The following MRE11 variants were observed in gnomAD, a reference collection of about 807,000 sequenced individuals.
MRE11 encodes the protein MRE11 double strand break repair nuclease, also known as double-strand break repair protein MRE11.
Under a neutral mutation model 91.7 loss-of-function variants are expected in MRE11, and 62 were observed. The observed-to-expected ratio is 0.68, with a 90% confidence interval of 0.55 to 0.84. The LOEUF is 0.84. MRE11 is among the 40% of genes least tolerant of loss of function. The probability of loss-of-function intolerance (pLI) is 0.00; values close to 1 mark genes in which losing one functional copy is unlikely to be tolerated. For synonymous variants in MRE11, 273 were observed against 271.4 expected (o/e 1.01, Z -0.06); for missense variants, 796 against 852.9 (o/e 0.93, Z 0.83).
chr11:94,485,086 G>A (rs561838885), intron 4 of MRE11, among the ~76,000 whole-genome samples: 218 of 151,926 alleles, frequency 1.4e-3, no homozygotes, highest in African/African-American at 4.9e-3. Context: ...GGTGATGGGC[G>A]CCTGTAATCC....
At chr11:94,429,656 G>A (rs1236347870) in intron 19 of MRE11, among the ~76,000 whole-genome samples, 1 of 152,176 alleles carries the variant, frequency 6.6e-6, no homozygotes, top group Admixed American at 6.5e-5. Flanking sequence ...AGACACTGTG[G>A]ACTACTAGAG....
chr11:94,468,292 G>T (rs1251953782), intron 9 of MRE11, among the ~76,000 whole-genome samples: 1 of 152,164 alleles, frequency 6.6e-6, no homozygotes, highest in Non-Finnish European at 1.5e-5. Flanking sequence ...TATCTTGGAA[G>T]AGTTCAAGGT....
intron 3 of MRE11, among the ~76,000 whole-genome samples, chr11:94,487,293 T>C (rs1304018519): frequency 1.3e-5 from 2 of 152,208 alleles, no homozygotes; most frequent in African/African-American, 4.8e-5. Context: ...TTCAAACATT[T>C]AAAAAAATTT....
In MRE11 at chr11:94,470,486, G is replaced by C. The variant is rs115244417; in HGVS notation, c.1002C>G (p.Ser334Arg). Residue 334 changes from serine (S) to arginine (R), a missense_variant, in exon 9 of 20, where the codon AGC (serine) becomes AGG (arginine). Coordinates refer to ENST00000323929, the MANE Select transcript of MRE11 (RefSeq NM_005591.4). ...AAAGAATTACCTTCTCCAAACAGAA[G>C]CTTTGTATGGCTTGGGTTACTTTAG... Reference protein sequence around the residue: ...DNPKVTQAIQSFCLEKIEEML... With the variant: ...DNPKVTQAIQRFCLEKIEEML... The C allele has an allele frequency of 2.5e-3, 3,991 of 1,612,802 alleles. 80 individuals are homozygous for C. The African/African-American group carries it at 0.045, about 18-fold the overall frequency.
intron 19 of MRE11, among the ~76,000 whole-genome samples, chr11:94,428,733 C>T (rs59895133): frequency 0.033 from 4,993 of 151,906 alleles, 306 homozygotes; most frequent in African/African-American, 0.12. Flanking sequence ...CGTGGTGATG[C>T]GCACCTGTAA....
chr11:94,454,460 G>A (rs541048112), intron 14 of MRE11, among the ~76,000 whole-genome samples: 24 of 152,088 alleles, frequency 1.6e-4, no homozygotes, highest in Admixed American at 1.0e-3. Flanking sequence ...CATGGCGCTG[G>A]GATTCATATT....
rs1591706892 is a variant in MRE11 at position 94,478,754 on chromosome 11, C to A, written c.525G>T (p.Lys175Asn). The change falls in exon 6 of 20, where the codon AAG becomes AAT. Residue 175 changes from lysine to asparagine, a missense_variant. Coordinates refer to ENST00000323929, the MANE Select transcript of MRE11 (RefSeq NM_005591.4). ...TCTTACCTAAACCATATAGCGCAATCTTTGTGCTTCCTTTTTGAAGCAAAA... is the reference window on the plus strand; with the variant it reads ...TCTTACCTAAACCATATAGCGCAATATTTGTGCTTCCTTTTTGAAGCAAAA... The part of the protein sequence containing the change: ...SPVLLQKGST[K>N]IALYGLGSIP... The A allele has an allele frequency of 1.2e-6, 2 of 1,612,882 alleles. No homozygotes were observed. The highest frequency in any genetic ancestry group is 1.7e-6 in the Non-Finnish European group (2 of 1,179,824).
intron 9 of MRE11, among the ~76,000 whole-genome samples, chr11:94,469,292 A>G (rs1264912731): frequency 6.6e-6 from 1 of 152,156 alleles, no homozygotes. Context: ...CATCACGACC[A>G]GTTAGAAGGG....
intron 3 of MRE11, among the ~76,000 whole-genome samples, chr11:94,489,244 C>T (rs538907346): frequency 3.3e-5 from 5 of 151,610 alleles, no homozygotes; most frequent in Middle Eastern, 3.4e-3. Flanking sequence ...TCTCAGAAGT[C>T]GGCCCCACCA....
rs977564963 is a variant in MRE11 at position 94,419,143 on chromosome 11, G to A, written c.*982C>T. 9 of 232,136 alleles carry A rather than the reference G, an allele frequency of 3.9e-5. No homozygotes were observed. The highest frequency in any genetic ancestry group is 2.4e-4 in the East Asian group (4 of 16,396). 14.4% of individuals were successfully genotyped at this position (232,136 alleles called of 1,614,324 possible). A position where few individuals can be genotyped will look rare whatever the true frequency, so the allele number is the denominator to read the frequency against. On this transcript the variant is annotated 3_prime_UTR_variant, in exon 20 of 20. Transcript: ENST00000323929. ...AGATGTCTAATTCTTATTTCTCCCC[G>A]AAAACAAGTAAAAAATAGAAGCTTA...
At chr11:94,445,172 CAGT>C (rs1257675934) in intron 16 of MRE11, among the ~76,000 whole-genome samples, 2 of 152,222 alleles carry the variant, frequency 1.3e-5, no homozygotes, top group African/African-American at 4.8e-5. Flanking sequence ...AGCAAGGAAA[CAGT>C]AGAGACAGTT....
the MRE11 span, among the ~76,000 whole-genome samples, chr11:94,509,303 T>C: frequency 2.0e-5 from 3 of 152,222 alleles, no homozygotes; most frequent in East Asian, 5.8e-4. Context: ...AATGCTGTTA[T>C]AAATGTTATT....
At chr11:94,482,082 C>A (rs114262770) in intron 4 of MRE11, among the ~76,000 whole-genome samples, 1 of 152,134 alleles carries the variant, frequency 6.6e-6, no homozygotes, top group African/African-American at 2.4e-5. Flanking sequence ...ATAAAGCCCA[C>A]GCGGAACAAA....
At chr11:94,492,953 C>G in intron 1 of MRE11, 47 bp from the exon 2 acceptor site, 1 of 703,568 alleles carries the variant, frequency 1.4e-6, no homozygotes, top group Admixed American at 2.5e-5. Flanking sequence ...AAAGCCTGCA[C>G]GTATTTAACC....
intron 14 of MRE11, among the ~76,000 whole-genome samples, chr11:94,448,033 T>C (rs1945988988): frequency 6.6e-6 from 1 of 152,032 alleles, no homozygotes; most frequent in Non-Finnish European, 1.5e-5. Flanking sequence ...CTGGCAATCA[T>C]CCCTAATTCA....
intron 14 of MRE11, among the ~76,000 whole-genome samples, chr11:94,451,304 A>C (rs908321583): frequency 6.6e-6 from 1 of 152,176 alleles, no homozygotes. Flanking sequence ...AAACAGGTTC[A>C]ACAAACCAAT....
rs1484117238 is a variant in MRE11, at chr11:94,479,658, A to G, written c.402+16T>C. 1.2e-6 allele frequency: 2 copies of G among 1,605,368 alleles called. No individual in the cohort carries two copies. The highest frequency in any genetic ancestry group is 2.7e-5 in the African/African-American group (2 of 74,854). On this transcript the variant is annotated intron_variant, in intron 5 of 19. Transcript: ENST00000323929. ...ATTTCCAAAATTCCAACAAACTCTA[A>G]GAAAACAATAATTACCCCTGTGGGA...
upstream of MRE11, chr11:94,498,220 A>G: frequency 6.2e-7 from 1 of 1,614,182 alleles, no homozygotes; most frequent in Non-Finnish European, 8.5e-7. Flanking sequence ...ATGTTCATGC[A>G]GTGACTGTGG....
At chr11:94,423,773 G>A (rs565813473) in intron 19 of MRE11, among the ~76,000 whole-genome samples, 32 of 152,338 alleles carry the variant, frequency 2.1e-4, no homozygotes, top group Non-Finnish European at 4.0e-4. Context: ...GGGTCCAGAC[G>A]ATGGAGCCAC....
Sources: gnomAD v4.1 joint callset for allele counts (sites outside exome capture counted in the v4.1 genomes callset) on GRCh38, gnomAD v4.1.1 for gene constraint, MANE v1.5 for transcripts, NCBI Gene and HGNC (gene_info 2026-07-23, HGNC 2026-07-21) for gene names.